Variants in BAZ1A observed in about 807,000 individuals in gnomAD.
The protein encoded by BAZ1A is bromodomain adjacent to zinc finger domain protein 1A.
A neutral mutation model predicts 185.2 loss-of-function variants in BAZ1A; 50 were observed. The ratio of observed to expected loss-of-function variants is 0.27; its 90% CI spans 0.22 to 0.34. BAZ1A has a LOEUF of 0.34. BAZ1A is among the 10% of genes least tolerant of loss of function. The pLI is 1.00. For synonymous variants in BAZ1A, 571 were observed against 615.6 expected (o/e 0.93, Z 1.07); for missense variants, 1,356 against 1,839.9 (o/e 0.74, Z 4.81).
chr14:34,772,398 A>G (rs1332401459), intron 20 of BAZ1A, among the ~76,000 whole-genome samples: 1 of 152,086 alleles, frequency 6.6e-6, no homozygotes, highest in Non-Finnish European at 1.5e-5. Flanking sequence ...CCCATGTTCT[A>G]CTAAGACAAG....
At chr14:34,776,582 C>T in intron 17 of BAZ1A, 67 bp from the exon 18 acceptor site, 1 of 1,326,428 alleles carries the variant, frequency 7.5e-7, no homozygotes, top group Non-Finnish European at 1.0e-6. Flanking sequence ...ATATGAGATA[C>T]AAAGTTACCC....
chr14:34,874,428 C>T lies in BAZ1A; in HGVS notation c.113+64G>A, dbSNP rs2043007021. 6.9e-7 allele frequency: 1 copy of T among 1,457,202 alleles called. No homozygotes were observed. Among genetic ancestry groups the T allele is most frequent in the Non-Finnish European group, 9.6e-7 (1 of 1,042,542 alleles). 90.3% of individuals were successfully genotyped at this position (1,457,202 alleles called of 1,614,324 possible). A position where few individuals can be genotyped will look rare whatever the true frequency, so the allele number is the denominator to read the frequency against. ...CCCAGGGCGAGGAAAAGGAGAGAGA[C>T]AAAAGAGCGCTGCGGGGGGAGTCCC... is the stretch of plus-strand genomic sequence containing the variant. On this transcript the variant is annotated intron_variant, in intron 2 of 26. Coordinates refer to ENST00000360310, the MANE Select transcript of BAZ1A (RefSeq NM_013448.3). This position sits in a 1 kb window ranked among gnomAD's most constrained non-coding sequence, Gnocchi z 4.7.
At chr14:34,788,430 A>C (rs1338172062) in intron 12 of BAZ1A, among the ~76,000 whole-genome samples, 2 of 152,082 alleles carry the variant, frequency 1.3e-5, no homozygotes, top group African/African-American at 2.4e-5. Context: ...CGGCCTCCCC[A>C]GTAGCTGGGA....
intron 4 of BAZ1A, among the ~76,000 whole-genome samples, chr14:34,825,675 T>G (rs2042156221): frequency 6.6e-6 from 1 of 151,924 alleles, no homozygotes; most frequent in African/African-American, 2.4e-5. Flanking sequence ...CGGTGGCTCA[T>G]GCCTGTAATC....
chr14:34,850,665 G>A (rs2042582863), intron 3 of BAZ1A, among the ~76,000 whole-genome samples: 1 of 152,200 alleles, frequency 6.6e-6, no homozygotes, highest in African/African-American at 2.4e-5. Flanking sequence ...CAATATTACA[G>A]AGGTTCCTTA....
In BAZ1A at chr14:34,862,063, T is replaced by C. The variant is rs748730461; in HGVS notation, c.373A>G (p.Ile125Val). Residue 125 changes from isoleucine to valine, a missense_variant, in exon 3 of 27, where the codon ATT becomes GTT. Ile to Val is a conservative substitution (Grantham distance 29). Transcript: ENST00000360310. ...RYFVEETVEV[I>V]RNNGARLQCR... is the part of the protein sequence containing the mutation. ...CTTTACCTTGCACCATTGTTCCTAA[T>C]GACTTCCACAGTTTCTTCGACAAAA... 2.5e-6 allele frequency: 4 copies of C among 1,614,184 alleles called. No homozygotes were observed. The Admixed American group carries it at 5.0e-5, about 20-fold the overall frequency.
At chr14:34,786,102 A>C in intron 13 of BAZ1A, 24 bp downstream of exon 13, 1 of 1,577,532 alleles carries the variant, frequency 6.3e-7, no homozygotes, top group Non-Finnish European at 8.5e-7. Context: ...AGCCAAACAA[A>C]AAAAAAACAA....
intron 3 of BAZ1A, among the ~76,000 whole-genome samples, chr14:34,845,112 A>G (rs1388000607): frequency 2.0e-5 from 3 of 151,840 alleles, no homozygotes; most frequent in African/African-American, 7.3e-5. Flanking sequence ...AAATGTGCCA[A>G]CTCCTGCTCG....
intron 6 of BAZ1A, among the ~76,000 whole-genome samples, chr14:34,803,736 T>A (rs1018329358): frequency 6.6e-6 from 1 of 152,226 alleles, no homozygotes; most frequent in African/African-American, 2.4e-5. Context: ...ATTTGCCAAC[T>A]GCTGAACATT....
chr14:34,862,565 CTT>C (rs1314613802), intron 2 of BAZ1A, among the ~76,000 whole-genome samples: 3 of 151,932 alleles, frequency 2.0e-5, no homozygotes, highest in Non-Finnish European at 2.9e-5. Flanking sequence ...CAAAACCAGA[CTT>C]TGAGTTCCAT....
At chr14:34,841,208 G>A (rs1473699961) in intron 3 of BAZ1A, among the ~76,000 whole-genome samples, 3 of 152,094 alleles carry the variant, frequency 2.0e-5, no homozygotes, top group Non-Finnish European at 4.4e-5. Flanking sequence ...CTCACTAACT[G>A]GAAGGAGATG....
intron 3 of BAZ1A, among the ~76,000 whole-genome samples, chr14:34,857,625 A>G (rs12437059): frequency 0.15 from 23,314 of 152,106 alleles, 2,039 homozygotes; most frequent in Admixed American, 0.27. Flanking sequence ...AATCCATCCA[A>G]TTCTCTCCAT....
chr14:34,856,268 CTT>C (rs779140093), intron 3 of BAZ1A, among the ~76,000 whole-genome samples: 7 of 150,350 alleles, frequency 4.7e-5, no homozygotes, highest in African/African-American at 9.8e-5. Context: ...TTGTCTCTCT[CTT>C]AACTGAACTC....
intron 25 of BAZ1A, among the ~76,000 whole-genome samples, chr14:34,758,230 C>G (rs66682958): frequency 0.14 from 20,490 of 151,540 alleles, 2,316 homozygotes; most frequent in East Asian, 0.5. Context: ...TGCAGCGAAC[C>G]AAAATATGCC....
intron 4 of BAZ1A, among the ~76,000 whole-genome samples, chr14:34,824,819 C>T (rs2042142388): frequency 6.6e-6 from 1 of 152,100 alleles, no homozygotes; most frequent in Non-Finnish European, 1.5e-5. Context: ...TGGTACTGTT[C>T]ACTAAAAATA....
At chr14:34,756,322 A>G (rs2138522673) in intron 25 of BAZ1A, among the ~76,000 whole-genome samples, 1 of 151,582 alleles carries the variant, frequency 6.6e-6, no homozygotes, top group Admixed American at 6.6e-5. Context: ...TCACCGTGTT[A>G]GCCAGGATGG....
At chr14:34,787,236 C>T (rs905278244) in intron 12 of BAZ1A, among the ~76,000 whole-genome samples, 16 of 150,008 alleles carry the variant, frequency 1.1e-4, no homozygotes, top group African/African-American at 3.9e-4. Flanking sequence ...GCCTGTAGTC[C>T]CAGCTACTCG....
At chr14:34,758,945 T>A in intron 24 of BAZ1A, 99 bp from the exon 25 acceptor site, 1 of 1,227,322 alleles carries the variant, frequency 8.1e-7, no homozygotes, top group South Asian at 1.5e-5. Flanking sequence ...CAACAGAAAA[T>A]AGACACTCCG....
intron 3 of BAZ1A, among the ~76,000 whole-genome samples, chr14:34,861,758 T>C (rs1436339573): frequency 6.6e-6 from 1 of 152,248 alleles, no homozygotes; most frequent in African/African-American, 2.4e-5. Context: ...AGTATGTATG[T>C]TCTTTTGCAT....
Sources: allele counts gnomAD v4.1 joint callset (sites outside exome capture counted in the v4.1 genomes callset), GRCh38; gene constraint gnomAD v4.1.1; non-coding constraint Gnocchi (gnomAD v3.1); transcripts MANE v1.5; gene names NCBI Gene and HGNC (gene_info 2026-07-23, HGNC 2026-07-21).